DUSP22: variants seen among roughly 807,000 people sequenced by gnomAD.
DUSP22 encodes the protein dual specificity phosphatase 22.
A neutral mutation model predicts 24.5 loss-of-function variants in DUSP22; 24 were observed. The ratio of observed to expected loss-of-function variants is 0.98; its 90% CI spans 0.71 to 1.38. The LOEUF is 1.38. Ranked by LOEUF, DUSP22 falls within the 40% of genes most tolerant of loss-of-function variation. The probability of loss-of-function intolerance (pLI) is 0.00; values close to 1 mark genes in which losing one functional copy is unlikely to be tolerated. For synonymous variants in DUSP22, 160 were observed against 106.4 expected (o/e 1.50, Z -3.10); for missense variants, 330 against 269.2 (o/e 1.23, Z -1.58).
At chr6:305,559 G>T (rs1757783435) in intron 2 of DUSP22, among the ~76,000 whole-genome samples, 1 of 152,298 alleles carries the variant, frequency 6.6e-6, no homozygotes, top group South Asian at 2.1e-4. Flanking sequence ...CCTGCCACTT[G>T]TTCCGTACTG....
chr6:332,422 C>T (rs1170294898), intron 3 of DUSP22, among the ~76,000 whole-genome samples: 4 of 152,426 alleles, frequency 2.6e-5, no homozygotes, highest in South Asian at 2.1e-4. Flanking sequence ...TAGCCTTTGC[C>T]GTCTTCCTGT....
intron 3 of DUSP22, among the ~76,000 whole-genome samples, chr6:321,346 C>G (rs1758579697): frequency 6.6e-6 from 1 of 152,296 alleles, no homozygotes; most frequent in Admixed American, 6.5e-5. Flanking sequence ...TTGCAGTAAG[C>G]AGAGACCCAG....
At chr6:330,929 A>C (rs1267757176) in intron 3 of DUSP22, among the ~76,000 whole-genome samples, 2 of 152,302 alleles carry the variant, frequency 1.3e-5, no homozygotes, top group Non-Finnish European at 2.9e-5. Context: ...GGCGTTAGTA[A>C]TATACGGTGT....
intron 3 of DUSP22, among the ~76,000 whole-genome samples, chr6:321,839 C>T (rs904964143): frequency 1.3e-5 from 2 of 152,426 alleles, no homozygotes; most frequent in South Asian, 2.1e-4. Context: ...TCAGGGATGC[C>T]TGAGGGTACA....
At chr6:299,569 A>G (rs2127389969) in intron 1 of DUSP22, among the ~76,000 whole-genome samples, 1 of 152,420 alleles carries the variant, frequency 6.6e-6, no homozygotes, top group African/African-American at 2.4e-5. Flanking sequence ...GGATTGAGCA[A>G]CCTGCTTTCC....
chr6:350,348 AGT>A lies in DUSP22; in HGVS notation c.*1398_*1399del. ...GACGCTGTACGCAATTCAGTGGTCT[AGT>A]CCTTTATACCGACTCAGATTCCTTA... On this transcript the variant is annotated 3_prime_UTR_variant, in exon 7 of 7. Coordinates refer to ENST00000419235, the MANE Select transcript of DUSP22 (RefSeq NM_001286555.3). 1 of 1,036,316 alleles carries A rather than the reference AGT, an allele frequency of 9.6e-7. No homozygotes were observed. The highest frequency in any genetic ancestry group is 3.5e-5 in the South Asian group (1 of 28,646). 64.2% of individuals were successfully genotyped at this position (1,036,316 alleles called of 1,614,324 possible). A position where few individuals can be genotyped will look rare whatever the true frequency, so the allele number is the denominator to read the frequency against.
chr6:350,789 A>G lies in DUSP22; in HGVS notation c.*1838A>G, dbSNP rs1465016138. The G allele has an allele frequency of 3.7e-6, 6 of 1,614,222 alleles. No homozygotes were observed. The highest frequency in any genetic ancestry group is 3.3e-5 in the South Asian group (3 of 91,070). On this transcript the variant is annotated 3_prime_UTR_variant, in exon 7 of 7. Transcript: ENST00000419235. ...TTGGAGTTCTTGAAATGTTGTTTTA[A>G]TATTTGTTGCCAGTAATGTTCTTTC...
intron 4 of DUSP22, 26 bp from the exon 5 acceptor site, chr6:345,828 T>C: frequency 6.2e-7 from 1 of 1,612,180 alleles, no homozygotes. Flanking sequence ...TAGAGAGATG[T>C]CATTTCTCTT....
At chr6:317,667 CG>C (rs1413487680) in intron 3 of DUSP22, among the ~76,000 whole-genome samples, 1 of 152,304 alleles carries the variant, frequency 6.6e-6, no homozygotes, top group Admixed American at 6.5e-5. Flanking sequence ...TGCTTTATGA[CG>C]TAAGTGTTCA....
At chr6:312,055 ATGCGAACGTACTCCTG>A in intron 3 of DUSP22, 93 bp downstream of exon 3, 1 of 1,308,808 alleles carries the variant, frequency 7.6e-7, no homozygotes, top group South Asian at 1.4e-5. Context: ...GTTCTCTCCA[ATGCGAACGTACTCCTG>A]TGATCTCTGG....
intron 2 of DUSP22, among the ~76,000 whole-genome samples, chr6:308,128 G>T (rs2146034): frequency 1.5e-4 from 23 of 152,284 alleles, no homozygotes; most frequent in African/African-American, 5.5e-4. Flanking sequence ...TTCTTAAAGC[G>T]CATGTTCTGA....
intron 3 of DUSP22, among the ~76,000 whole-genome samples, chr6:323,564 T>G (rs796190110): frequency 4.6e-5 from 7 of 152,308 alleles, no homozygotes; most frequent in African/African-American, 1.4e-4. Context: ...GGCCCTTGGC[T>G]CCTTCCGTGA....
intron 3 of DUSP22, among the ~76,000 whole-genome samples, chr6:333,806 G>A (rs936197496): frequency 5.3e-5 from 8 of 152,288 alleles, no homozygotes; most frequent in Middle Eastern, 3.2e-3. Flanking sequence ...TGTGCTTCCC[G>A]GATCCCACTC....
intron 4 of DUSP22, among the ~76,000 whole-genome samples, chr6:343,591 G>A (rs1416566600): frequency 6.3e-5 from 7 of 110,646 alleles, no homozygotes; most frequent in African/African-American, 1.0e-4. Context: ...GTCAGAGTCC[G>A]GAGTCCTTGA....
intron 6 of DUSP22, 110 bp from the exon 7 acceptor site, chr6:348,659 C>G: frequency 6.5e-7 from 1 of 1,529,354 alleles, no homozygotes; most frequent in African/African-American, 1.4e-5. Flanking sequence ...CTGTTTGTTT[C>G]CCTGGTTATG....
intron 6 of DUSP22, 173 bp downstream of exon 6, chr6:348,447 C>T: frequency 8.8e-7 from 1 of 1,141,458 alleles, no homozygotes; most frequent in East Asian, 2.6e-5. Context: ...ATCCCTCGTG[C>T]ACCTGTTGAA....
At chr6:296,918 C>T (rs1384901565) in intron 1 of DUSP22, among the ~76,000 whole-genome samples, 2 of 152,306 alleles carry the variant, frequency 1.3e-5, no homozygotes, top group African/African-American at 4.8e-5. Context: ...CTCTTCCTTC[C>T]TCCCTGCTGT....
At chr6:330,819 A>G (rs1417695970) in intron 3 of DUSP22, among the ~76,000 whole-genome samples, 1 of 152,298 alleles carries the variant, frequency 6.6e-6, no homozygotes, top group Non-Finnish European at 1.5e-5. Flanking sequence ...TCCTTAGCAG[A>G]TCCCCCATCT....
intron 1 of DUSP22, among the ~76,000 whole-genome samples, chr6:299,335 T>C (rs1757480441): frequency 6.6e-6 from 1 of 152,308 alleles, no homozygotes; most frequent in South Asian, 2.1e-4. Context: ...AATTATTTGA[T>C]TTTATTTCAT....
Sources: gnomAD v4.1 joint callset for allele counts (sites outside exome capture counted in the v4.1 genomes callset) on GRCh38, gnomAD v4.1.1 for gene constraint, MANE v1.5 for transcripts, NCBI Gene and HGNC (gene_info 2026-07-23, HGNC 2026-07-21) for gene names.